Variants in NCALD observed in about 807,000 individuals in gnomAD.
NCALD encodes neurocalcin delta, also known as neurocalcin-delta.
Under a neutral mutation model 18.6 loss-of-function variants are expected in NCALD, and 10 were observed. That is an observed-to-expected ratio of 0.54 (90% CI 0.33 to 0.91). NCALD has a LOEUF of 0.91. NCALD is among the 40% of genes least tolerant of loss of function. The pLI is 0.03. For synonymous variants in NCALD, 88 were observed against 87.4 expected (o/e 1.01, Z -0.04); for missense variants, 184 against 247.6 (o/e 0.74, Z 1.72).
chr8:101,864,011 A>C (rs1430058279), intron 4 of NCALD, among the ~76,000 whole-genome samples: 2 of 152,214 alleles, frequency 1.3e-5, no homozygotes, highest in African/African-American at 4.8e-5. Flanking sequence ...ATGTGATTCT[A>C]ACATGCAACA....
intron 3 of NCALD, among the ~76,000 whole-genome samples, chr8:101,890,594 G>T (rs916973657): frequency 1.3e-5 from 2 of 152,258 alleles, no homozygotes; most frequent in Non-Finnish European, 2.9e-5. Context: ...GTGCCCTCTT[G>T]CCCCTCTGCC....
At position 102,027,191 on chromosome 8, in the gene NCALD, G is replaced by A. The variant is rs964470322; in HGVS notation, c.-209-6902C>T. Among the ~76,000 whole-genome samples the A allele has an allele frequency of 7.9e-5, 12 of 152,320 alleles. No homozygotes were observed. The South Asian group carries it at 8.3e-4, about 11-fold the overall frequency. On this transcript the variant is annotated intron_variant, in intron 1 of 6. Coordinates refer to the NCALD transcript ENST00000311028. Reference sequence around the variant, plus strand: ...CTTGGTGATTAACATTCAGCTCCTCGTTACTTATGCGAATTTCTGCAGCAG... The same window carrying A: ...CTTGGTGATTAACATTCAGCTCCTCATTACTTATGCGAATTTCTGCAGCAG...
chr8:101,835,236 T>C lies in NCALD; in HGVS notation c.-20+51905A>G, dbSNP rs188435030. 7.2e-5 allele frequency among the ~76,000 whole-genome samples: 11 copies of C among 152,382 alleles called. No individual in the cohort carries two copies. In the East Asian group the frequency reaches 2.1e-3, roughly 29 times the overall value. On this transcript the variant is annotated intron_variant, in intron 4 of 6. Coordinates refer to the NCALD transcript ENST00000311028. ...GTGCAGTAAGTGCCACTTGGCTTTC[T>C]ATCTCAGGTGGTGCAGGGCCCCTTG...
At chr8:101,790,602 T>C (rs2131016912) in intron 1 of NCALD, among the ~76,000 whole-genome samples, 1 of 152,316 alleles carries the variant, frequency 6.6e-6, no homozygotes. Context: ...GCAAAATCCG[T>C]ATGTCTAAAT....
At chr8:101,987,322 G>A (rs530334534) in intron 2 of NCALD, among the ~76,000 whole-genome samples, 13 of 152,320 alleles carry the variant, frequency 8.5e-5, no homozygotes, top group Middle Eastern at 3.4e-3. Flanking sequence ...TGTGAAGAGT[G>A]ACCTAAATTG....
intron 2 of NCALD, among the ~76,000 whole-genome samples, chr8:101,950,841 C>T (rs1345280403): frequency 6.6e-6 from 1 of 152,204 alleles, no homozygotes; most frequent in African/African-American, 2.4e-5. Context: ...GTCCCATAAG[C>T]TAGAAACCAG....
intron 3 of NCALD, among the ~76,000 whole-genome samples, chr8:101,896,550 A>G (rs1450963373): frequency 6.6e-6 from 1 of 151,964 alleles, no homozygotes; most frequent in Non-Finnish European, 1.5e-5. Context: ...CTGCACAGCA[A>G]AAGAAACTAC....
intron 4 of NCALD, among the ~76,000 whole-genome samples, chr8:101,809,101 C>T (rs780655763): frequency 5.0e-4 from 76 of 152,068 alleles, no homozygotes; most frequent in Middle Eastern, 3.2e-3. Context: ...AATAGAAGTG[C>T]GTTCTAAAAG....
intron 1 of NCALD, among the ~76,000 whole-genome samples, chr8:102,042,114 T>C (rs957106212): frequency 6.6e-6 from 1 of 151,972 alleles, no homozygotes; most frequent in Non-Finnish European, 1.5e-5. Context: ...TTTGGTGTAC[T>C]TGTTATTTGT....
At chr8:102,112,042 A>T (rs973774442) in intron 1 of NCALD, among the ~76,000 whole-genome samples, 16 of 152,248 alleles carry the variant, frequency 1.1e-4, no homozygotes, top group Non-Finnish European at 2.1e-4. Context: ...AAATGTTTAT[A>T]AAAACAAAAA....
chr8:102,056,076 T>C (rs1823640401), intron 1 of NCALD, among the ~76,000 whole-genome samples: 1 of 152,246 alleles, frequency 6.6e-6, no homozygotes, highest in South Asian at 2.1e-4. Context: ...GATTCATTTC[T>C]AAAGCTTTAA....
intron 1 of NCALD, among the ~76,000 whole-genome samples, chr8:101,753,705 C>G (rs1810755431): frequency 6.6e-6 from 1 of 152,130 alleles, no homozygotes; most frequent in African/African-American, 2.4e-5. Context: ...AAGGGATAGT[C>G]TCTTTCTGCG....
chr8:102,008,740 T>C (rs1308441737), intron 2 of NCALD, among the ~76,000 whole-genome samples: 1 of 152,180 alleles, frequency 6.6e-6, no homozygotes, highest in Non-Finnish European at 1.5e-5. Context: ...TTTCACAATT[T>C]ACTAGTCTTT....
chr8:101,849,798 G>C (rs748232417), intron 4 of NCALD, among the ~76,000 whole-genome samples: 81 of 152,178 alleles, frequency 5.3e-4, no homozygotes, highest in Non-Finnish European at 4.6e-4. Flanking sequence ...TTGCTGCCAT[G>C]ACTGGCATTG....
intron 4 of NCALD, among the ~76,000 whole-genome samples, chr8:101,854,435 G>A (rs1563829202): frequency 6.6e-6 from 1 of 152,118 alleles, no homozygotes; most frequent in Non-Finnish European, 1.5e-5. Flanking sequence ...GGGTCAGAAA[G>A]CTCCTACATT....
At chr8:101,800,265 G>C (rs1371732377) in intron 4 of NCALD, among the ~76,000 whole-genome samples, 2 of 152,084 alleles carry the variant, frequency 1.3e-5, no homozygotes, top group African/African-American at 4.8e-5. Context: ...AAGTAAAAGA[G>C]AGGAATAGAA....
chr8:101,942,855 C>T (rs553263743), intron 2 of NCALD, among the ~76,000 whole-genome samples: 93 of 152,180 alleles, frequency 6.1e-4, no homozygotes, highest in Non-Finnish European at 1.0e-3. Context: ...ACATGCTTAC[C>T]CACTGTGACA....
chr8:102,000,897 A>T (rs1821431171), intron 2 of NCALD, among the ~76,000 whole-genome samples: 1 of 152,246 alleles, frequency 6.6e-6, no homozygotes, highest in African/African-American at 2.4e-5. Flanking sequence ...ATCAAAGACC[A>T]AAGGTAGACA....
At chr8:101,774,638 T>C (rs568427124) in intron 1 of NCALD, among the ~76,000 whole-genome samples, 1 of 152,306 alleles carries the variant, frequency 6.6e-6, no homozygotes, top group South Asian at 2.1e-4. Flanking sequence ...TCACATCTTG[T>C]CTCACAAGTG....
Sources: allele counts gnomAD v4.1 joint callset (sites outside exome capture counted in the v4.1 genomes callset), GRCh38; gene constraint gnomAD v4.1.1; transcripts MANE v1.5; gene names NCBI Gene and HGNC (gene_info 2026-07-23, HGNC 2026-07-21).